The following ZNF461 variants were observed in gnomAD, a reference collection of about 807,000 sequenced individuals.
ZNF461 encodes the protein gonadotropin-inducible ovarian transcription factor-1.
A neutral mutation model predicts 18.3 loss-of-function variants in ZNF461; 16 were observed. The observed-to-expected ratio is 0.88, with a 90% CI of 0.59 to 1.33. The LOEUF is 1.33. Among genes scored for constraint, ZNF461 ranks in the 40% most tolerant of loss-of-function variants. ZNF461 has a pLI of 0.00. For synonymous variants in ZNF461, 179 were observed against 216.9 expected, an observed-to-expected ratio of 0.83 and a Z score of 1.54; for missense variants, 595 against 669.9, an observed-to-expected ratio of 0.89 and a Z score of 1.23.
rs79392658 is a variant in ZNF461, at chr19:36,655,246, T to G, written c.232+1202A>C. ...CCTAAGCTCAAGTAATCCTCCCACC[T>G]GAGCCTCCCAAAGTGCTGAGATTAC... is the stretch of plus-strand genomic sequence containing the variant. On this transcript the variant is annotated intron_variant, in intron 4 of 5. Transcript: ENST00000588268. Among the ~76,000 whole-genome samples the G allele has an allele frequency of 2.3e-3, 349 of 152,266 alleles. 1 individual carries two copies. The highest frequency in any genetic ancestry group is 7.9e-3 in the African/African-American group (329 of 41,580).
At chr19:36,657,063 A>G (rs112765572) in intron 3 of ZNF461, among the ~76,000 whole-genome samples, 25,737 of 151,514 alleles carry the variant, frequency 0.17, 2,470 homozygotes, top group Non-Finnish European at 0.22. Flanking sequence ...CAGGTGATCC[A>G]CTTGCCTCAG....
rs573976946 is a variant in ZNF461 at position 36,638,955 on chromosome 19, T to G, written c.1390A>C (p.Thr464Pro). Residue 464 changes from threonine to proline, a missense_variant, in exon 6 of 6, where the codon ACT becomes CCT. Coordinates refer to ENST00000588268, the MANE Select transcript of ZNF461 (RefSeq NM_153257.5). Reference sequence around the variant, plus strand: ...ATGCATTCATGAGGTTTCTCACCAGTATGAATTCTCTGATGTCTTTTGAGG... The same window carrying G: ...ATGCATTCATGAGGTTTCTCACCAGGATGAATTCTCTGATGTCTTTTGAGG... ...SHLKRHQRIH[T>P]GEKPHECMIC... 1 of 1,614,028 alleles carries G rather than the reference T, an allele frequency of 6.2e-7. No homozygotes were observed. The highest frequency in any genetic ancestry group is 1.3e-5 in the African/African-American group (1 of 75,016).
intron 2 of ZNF461, among the ~76,000 whole-genome samples, chr19:36,660,043 G>C (rs1441329938): frequency 1.3e-5 from 2 of 151,842 alleles, no homozygotes; most frequent in Non-Finnish European, 2.9e-5. Context: ...CATTCCCTGA[G>C]GACACCTCAA....
chr19:36,664,677 A>T (rs2037874458), intron 2 of ZNF461, 21 bp downstream of exon 2: 1 of 1,522,352 alleles, frequency 6.6e-7, no homozygotes, highest in Non-Finnish European at 8.8e-7. Context: ...TGTAATTAGG[A>T]GCAAGAAAAA....
At position 36,658,384 on chromosome 19, in the gene ZNF461, C is replaced by G. The variant is rs771748278; in HGVS notation, c.51G>C (p.Gln17His). Residue 17 changes from glutamine to histidine, a missense_variant, in exon 3 of 6, where the codon CAG becomes CAC. Physicochemically the swap from Gln to His is conservative, Grantham distance 24. Coordinates refer to ENST00000588268, the MANE Select transcript of ZNF461 (RefSeq NM_153257.5). ...CTGGGTTCAGGCATTCCCATTCCTC[C>G]TGAGAGACATCTATAGCCACATCTC... ...MFRDVAIDVS[Q>H]EEWECLNPAQ... is the part of the protein sequence containing the mutation. 3 of 1,611,570 alleles carry G rather than the reference C, an allele frequency of 1.9e-6. No homozygotes were observed. The highest frequency in any genetic ancestry group is 2.5e-6 in the Non-Finnish European group (3 of 1,178,632).
intron 1 of ZNF461, among the ~76,000 whole-genome samples, chr19:36,665,674 A>G (rs1280668366): frequency 7.4e-6 from 1 of 135,520 alleles, no homozygotes; most frequent in Non-Finnish European, 1.5e-5. Context: ...GCGCCACCGC[A>G]CTCCAGCCAC....
At chr19:36,648,632 T>G (rs2037570689) in intron 4 of ZNF461, among the ~76,000 whole-genome samples, 1 of 152,130 alleles carries the variant, frequency 6.6e-6, no homozygotes, top group Non-Finnish European at 1.5e-5. Flanking sequence ...CAGGCTGGAG[T>G]ACAGTGGTGC....
chr19:36,665,254 A>G (rs1379556482), intron 1 of ZNF461, among the ~76,000 whole-genome samples: 1 of 152,240 alleles, frequency 6.6e-6, no homozygotes, highest in Non-Finnish European at 1.5e-5. Flanking sequence ...GAAGAGAAAA[A>G]ATAAATAGAA....
chr19:36,641,411 C>T (rs940171283), intron 5 of ZNF461, among the ~76,000 whole-genome samples: 2 of 151,696 alleles, frequency 1.3e-5, no homozygotes, highest in African/African-American at 2.4e-5. Context: ...CCCAGCTACT[C>T]GGGAGGCTGA....
At chr19:36,649,394 A>G (rs2037586498) in intron 4 of ZNF461, among the ~76,000 whole-genome samples, 2 of 152,132 alleles carry the variant, frequency 1.3e-5, no homozygotes, top group South Asian at 4.2e-4. Flanking sequence ...GCAATGGCAT[A>G]ATCTTGGCTC....
At chr19:36,655,454 C>G (rs973299002) in intron 4 of ZNF461, among the ~76,000 whole-genome samples, 1 of 152,152 alleles carries the variant, frequency 6.6e-6, no homozygotes, top group Non-Finnish European at 1.5e-5. Context: ...AAAAAATTAG[C>G]CATGCATGGT....
At chr19:36,666,002 G>A (rs770471561) in intron 1 of ZNF461, among the ~76,000 whole-genome samples, 73 of 152,196 alleles carry the variant, frequency 4.8e-4, no homozygotes, top group Non-Finnish European at 9.1e-4. Flanking sequence ...GTGAATGTGC[G>A]TGTGTCTGTG....
intron 5 of ZNF461, among the ~76,000 whole-genome samples, chr19:36,641,566 TG>T (rs201376193): frequency 0.013 from 1,910 of 149,594 alleles, 21 homozygotes; most frequent in Non-Finnish European, 0.019. Context: ...TATATATATA[TG>T]TTTTTTTACC....
intron 4 of ZNF461, among the ~76,000 whole-genome samples, chr19:36,645,533 A>G (rs1416425756): frequency 6.6e-6 from 1 of 152,164 alleles, no homozygotes; most frequent in East Asian, 1.9e-4. Flanking sequence ...TGACAATTAA[A>G]ATTTATATAT....
At chr19:36,661,868 C>A (rs11667894) in intron 2 of ZNF461, among the ~76,000 whole-genome samples, 49,746 of 151,916 alleles carry the variant, frequency 0.33, 8,358 homozygotes, top group East Asian at 0.58. Flanking sequence ...CCAAGTATTT[C>A]TTTTTTATTT....
At chr19:36,641,056 A>G (rs2037414910) in intron 5 of ZNF461, among the ~76,000 whole-genome samples, 1 of 152,222 alleles carries the variant, frequency 6.6e-6, no homozygotes, top group African/African-American at 2.4e-5. Flanking sequence ...AGAGCTTCAT[A>G]GCTTCTTCCA....
intron 4 of ZNF461, among the ~76,000 whole-genome samples, chr19:36,648,915 T>G (rs2037576651): frequency 6.6e-6 from 1 of 152,180 alleles, no homozygotes; most frequent in Admixed American, 6.6e-5. Context: ...CCTTAATGGC[T>G]AGTGATTTTG....
At chr19:36,646,288 G>A (rs956694288) in intron 4 of ZNF461, among the ~76,000 whole-genome samples, 4 of 151,968 alleles carry the variant, frequency 2.6e-5, no homozygotes, top group Admixed American at 6.6e-5. Context: ...GTGCCACCAC[G>A]CCCGGCTAAT....
intron 4 of ZNF461, among the ~76,000 whole-genome samples, chr19:36,646,062 C>T (rs1323353810): frequency 1.3e-5 from 2 of 151,802 alleles, no homozygotes; most frequent in Admixed American, 6.6e-5. Context: ...GGATTACAGG[C>T]GTGAGCCACC....
Sources: gnomAD v4.1 joint callset for allele counts (sites outside exome capture counted in the v4.1 genomes callset) on GRCh38, gnomAD v4.1.1 for gene constraint, MANE v1.5 for transcripts, NCBI Gene and HGNC (gene_info 2026-07-23, HGNC 2026-07-21) for gene names.